AUTS2: variants seen among roughly 807,000 people sequenced by gnomAD.
AUTS2 encodes autism susceptibility gene 2 protein.
A neutral mutation model predicts 112.4 loss-of-function variants in AUTS2; 17 were observed. The observed-to-expected ratio is 0.15, with a 90% CI of 0.10 to 0.23. The LOEUF is 0.23. AUTS2 is among the 10% of genes least tolerant of loss of function. The pLI, the probability that AUTS2 is intolerant of heterozygous loss-of-function variation, is 1.00. For missense variants in AUTS2, 1,510 were observed against 1,701.6 expected (o/e 0.89, Z 1.98); for synonymous variants, 751 against 702.7 (o/e 1.07, Z -1.09).
At chr7:70,223,310 C>A (rs1252209511) in intron 4 of AUTS2, among the ~76,000 whole-genome samples, 1 of 152,142 alleles carries the variant, frequency 6.6e-6, no homozygotes, top group African/African-American at 2.4e-5. Flanking sequence ...TATAGTAGTT[C>A]GGTTTACATT....
intron 5 of AUTS2, among the ~76,000 whole-genome samples, chr7:70,646,308 G>A (rs1027681533): frequency 1.3e-5 from 2 of 152,218 alleles, no homozygotes; most frequent in South Asian, 2.1e-4. Context: ...GTGAGGTTAA[G>A]GCAGAGTCCA....
At chr7:70,545,864 G>A (rs1235527162) in intron 5 of AUTS2, among the ~76,000 whole-genome samples, 3 of 152,176 alleles carry the variant, frequency 2.0e-5, no homozygotes, top group Non-Finnish European at 4.4e-5. Context: ...GAAGGAGTGG[G>A]GGGAGTGGGT....
At chr7:69,651,395 C>G (rs1795280960) in intron 1 of AUTS2, among the ~76,000 whole-genome samples, 1 of 152,156 alleles carries the variant, frequency 6.6e-6, no homozygotes. Context: ...GGAAGGTGGC[C>G]ATTTTACTCC....
intron 4 of AUTS2, among the ~76,000 whole-genome samples, chr7:70,170,799 G>T (rs1808641161): frequency 6.6e-6 from 1 of 151,958 alleles, no homozygotes; most frequent in Admixed American, 6.6e-5. Context: ...GTAGAGACAG[G>T]GTTTCACCAT....
At chr7:70,634,714 C>T (rs1014257915) in intron 5 of AUTS2, among the ~76,000 whole-genome samples, 2 of 152,164 alleles carry the variant, frequency 1.3e-5, no homozygotes, top group Non-Finnish European at 1.5e-5. Flanking sequence ...TCTGATTCAG[C>T]GGGGTGACCT....
At chr7:70,765,065 AC>A in intron 8 of AUTS2, 60 bp downstream of exon 8, 1 of 1,592,216 alleles carries the variant, frequency 6.3e-7, no homozygotes, top group Non-Finnish European at 8.6e-7. Context: ...CTGTGACCTC[AC>A]CCTACCTATG....
intron 1 of AUTS2, among the ~76,000 whole-genome samples, chr7:69,785,417 C>T (rs2129318648): frequency 6.6e-6 from 1 of 152,364 alleles, no homozygotes; most frequent in South Asian, 2.1e-4. Flanking sequence ...GAGGCTCCCT[C>T]TCACTCAAAG....
chr7:69,693,682 C>T (rs1056356224), intron 1 of AUTS2, among the ~76,000 whole-genome samples: 1 of 152,322 alleles, frequency 6.6e-6, no homozygotes, highest in South Asian at 2.1e-4. Flanking sequence ...GTCTGTCTCT[C>T]TCTCTCTCTC....
intron 5 of AUTS2, among the ~76,000 whole-genome samples, chr7:70,661,006 C>G (rs1223559570): frequency 6.6e-6 from 1 of 152,120 alleles, no homozygotes; most frequent in African/African-American, 2.4e-5. Context: ...CATGTCACAC[C>G]CTGCAATTAC....
At chr7:69,968,875 T>C (rs1797735206) in intron 2 of AUTS2, among the ~76,000 whole-genome samples, 1 of 152,186 alleles carries the variant, frequency 6.6e-6, no homozygotes, top group Non-Finnish European at 1.5e-5. Flanking sequence ...GACTTGTTTC[T>C]GCTGTGTTTT....
intron 5 of AUTS2, among the ~76,000 whole-genome samples, chr7:70,619,905 T>A (rs1034573584): frequency 2.6e-5 from 4 of 152,136 alleles, no homozygotes; most frequent in African/African-American, 9.7e-5. Flanking sequence ...ACCCATTCAC[T>A]GTTCAGGTAC....
intron 2 of AUTS2, among the ~76,000 whole-genome samples, chr7:69,932,700 G>C (rs1239239672): frequency 6.6e-6 from 1 of 152,200 alleles, no homozygotes; most frequent in Non-Finnish European, 1.5e-5. Context: ...TTTGGCTAGG[G>C]CTTGGCACCT....
chr7:69,762,650 G>T (rs185829732), intron 1 of AUTS2, among the ~76,000 whole-genome samples: 1 of 152,072 alleles, frequency 6.6e-6, no homozygotes, highest in African/African-American at 2.4e-5. Flanking sequence ...TGGCTAATTC[G>T]TGTTGGTGAC....
At chr7:70,720,842 C>G (rs1404098402) in intron 6 of AUTS2, among the ~76,000 whole-genome samples, 3 of 152,090 alleles carry the variant, frequency 2.0e-5, no homozygotes, top group African/African-American at 7.2e-5. Context: ...GCTCAGATTT[C>G]TCTGGGTAGA....
At chr7:69,650,023 GT>G (rs1483340082) in intron 1 of AUTS2, among the ~76,000 whole-genome samples, 2 of 152,210 alleles carry the variant, frequency 1.3e-5, no homozygotes, top group African/African-American at 2.4e-5. Context: ...TGGGCCAGTT[GT>G]TTTGTTACAC....
chr7:69,656,625 G>GAA (rs1194129155), intron 1 of AUTS2, among the ~76,000 whole-genome samples: 1 of 152,110 alleles, frequency 6.6e-6, no homozygotes, highest in Non-Finnish European at 1.5e-5. Flanking sequence ...GCTCCTCCCT[G>GAA]ACATTGAAGA....
At chr7:70,186,146 T>A (rs1408928161) in intron 4 of AUTS2, among the ~76,000 whole-genome samples, 1 of 152,180 alleles carries the variant, frequency 6.6e-6, no homozygotes, top group Non-Finnish European at 1.5e-5. Flanking sequence ...TGTAGCTATA[T>A]ATAATGGGAT....
At chr7:70,462,612 G>A (rs903696108) in intron 5 of AUTS2, among the ~76,000 whole-genome samples, 3 of 151,928 alleles carry the variant, frequency 2.0e-5, no homozygotes, top group Admixed American at 6.6e-5. Context: ...CAACCATGAC[G>A]TGATCATTAA....
At chr7:70,192,078 TC>T (rs1159955232) in intron 4 of AUTS2, among the ~76,000 whole-genome samples, 2 of 152,168 alleles carry the variant, frequency 1.3e-5, no homozygotes, top group African/African-American at 4.8e-5. Flanking sequence ...TTTAGGCAAA[TC>T]ACTTAACTTG....
Sources: allele counts gnomAD v4.1 joint callset (sites outside exome capture counted in the v4.1 genomes callset), GRCh38; gene constraint gnomAD v4.1.1; transcripts MANE v1.5; gene names NCBI Gene and HGNC (gene_info 2026-07-23, HGNC 2026-07-21).